RNF214: variants seen among roughly 807,000 people sequenced by gnomAD.
RNF214 encodes ring finger protein 214.
In RNF214, 25 loss-of-function variants were observed where a neutral mutation model predicts 75.9. The observed-to-expected ratio is 0.33, with a 90% CI of 0.24 to 0.46. The LOEUF is 0.46. Ranked by LOEUF, RNF214 falls within the 20% of genes least tolerant of loss-of-function variation. The pLI, the probability that RNF214 is intolerant of heterozygous loss-of-function variation, is 1.00. For missense variants in RNF214, 725 were observed against 857.5 expected (o/e 0.85, Z 1.93); for synonymous variants, 314 against 308.8 (o/e 1.02, Z -0.18).
intron 7 of RNF214, 64 bp from the exon 8 acceptor site, chr11:117,280,107 T>C: frequency 6.7e-7 from 1 of 1,487,782 alleles, no homozygotes; most frequent in Non-Finnish European, 9.3e-7. Flanking sequence ...TTGTTTTCAC[T>C]ACCTAGAGGT....
chr11:117,255,224 C>T (rs2033490186), intron 6 of RNF214, among the ~76,000 whole-genome samples: 1 of 152,154 alleles, frequency 6.6e-6, no homozygotes, highest in Non-Finnish European at 1.5e-5. Flanking sequence ...TCAATGGAAA[C>T]TTCCCTCAGT....
intron 8 of RNF214, among the ~76,000 whole-genome samples, chr11:117,280,931 A>G (rs975609632): frequency 6.7e-6 from 1 of 149,330 alleles, no homozygotes; most frequent in African/African-American, 2.5e-5. Context: ...CTCAACGGCA[A>G]TTAGCCAGCT....
intron 6 of RNF214, among the ~76,000 whole-genome samples, chr11:117,263,553 C>T (rs1461663909): frequency 6.6e-6 from 1 of 152,184 alleles, no homozygotes; most frequent in Non-Finnish European, 1.5e-5. Flanking sequence ...GGATTACAGG[C>T]GTGAGCCACC....
chr11:117,279,323 C>CT (rs34196418), intron 6 of RNF214, among the ~76,000 whole-genome samples: 1,761 of 104,342 alleles, frequency 0.017, 193 homozygotes, highest in African/African-American at 0.036. Context: ...GAGATACAAA[C>CT]TTTTTTTTTT....
rs1490482562 is a variant in RNF214 at position 117,232,692 on chromosome 11, C to G, written c.-41C>G. Reference sequence around the variant, plus strand: ...CGGCGCTCGACCCCTCCCCCCGTGGCTCGGCCGCCCCCTCCCCCCGCTCCG... The same window carrying G: ...CGGCGCTCGACCCCTCCCCCCGTGGGTCGGCCGCCCCCTCCCCCCGCTCCG... On this transcript the variant is annotated 5_prime_UTR_variant, in exon 1 of 15. Transcript: ENST00000300650. 1 of 150,758 alleles carries G rather than the reference C, an allele frequency of 6.6e-6. No homozygotes were observed. The highest frequency in any genetic ancestry group is 2.4e-5 in the African/African-American group (1 of 41,136). 9.3% of individuals were successfully genotyped at this position (150,758 alleles called of 1,614,324 possible). A position where few individuals can be genotyped will look rare whatever the true frequency, so the allele number is the denominator to read the frequency against.
At chr11:117,279,538 C>T (rs184685449) in intron 6 of RNF214, among the ~76,000 whole-genome samples, 1 of 151,922 alleles carries the variant, frequency 6.6e-6, no homozygotes, top group Non-Finnish European at 1.5e-5. Flanking sequence ...GGTTTCACCA[C>T]GCTGGCCAGA....
In RNF214 at chr11:117,239,081, C is replaced by G. The variant is rs1461927249; in HGVS notation, c.588C>G (p.Ser196=). 6.2e-7 allele frequency: 1 copy of G among 1,613,288 alleles called. No individual in the cohort carries two copies. The highest frequency in any genetic ancestry group is 1.7e-5 in the Admixed American group (1 of 59,958). Residue 196 remains serine, a synonymous_variant, in exon 3 of 15, where the codon TCC becomes TCG. Coordinates refer to ENST00000300650, the MANE Select transcript of RNF214 (RefSeq NM_207343.4). ...VDQDDDQDSS[S]LKLSQNIAVQ... is the part of the protein sequence containing the mutation. ...AGGATGATGATCAAGATAGCTCTTC[C>G]CTGAAGCTTTCTCAGAACATTGCTG...
intron 2 of RNF214, among the ~76,000 whole-genome samples, chr11:117,236,005 G>C (rs1020916933): frequency 6.6e-6 from 1 of 151,926 alleles, no homozygotes; most frequent in Non-Finnish European, 1.5e-5. Context: ...CTGTCCCCCA[G>C]ACTGGAGTGC....
In RNF214 at chr11:117,238,795, C is replaced by T; in HGVS notation, c.302C>T (p.Ser101Phe). 6.2e-7 allele frequency: 1 copy of T among 1,614,210 alleles called. No homozygotes were observed. Among genetic ancestry groups the T allele is most frequent in the Non-Finnish European group, 8.5e-7 (1 of 1,180,038 alleles). Residue 101 changes from serine to phenylalanine, a missense_variant, in exon 3 of 15, where the codon TCT becomes TTT. Physicochemically the swap from Ser to Phe is radical, Grantham distance 155 (BLOSUM62 -2). Around this residue, in one of 2 missense-constraint regions of RNF214, gnomAD observed 362 missense variants for 344.5 expected, o/e 1.05. Coordinates refer to ENST00000300650, the MANE Select transcript of RNF214 (RefSeq NM_207343.4). ...ENLIATALCLSGSGSQSDLKD... is the reference protein window; with the variant it reads ...ENLIATALCLFGSGSQSDLKD... ...TTGATAGCCACAGCCCTTTGTCTTT[C>T]TGGCAGTGGGTCTCAGTCTGATTTG...
chr11:117,262,092 A>G (rs529470), intron 6 of RNF214, among the ~76,000 whole-genome samples: 104,485 of 145,626 alleles, frequency 0.72, 38,708 homozygotes, highest in East Asian at 0.95. Context: ...TTTTTGAGAT[A>G]CGAGTCTGGC....
At chr11:117,239,698 G>A in intron 3 of RNF214, 103 bp from the exon 4 acceptor site, 2 of 706,136 alleles carry the variant, frequency 2.8e-6, no homozygotes, top group Non-Finnish European at 5.2e-6. Context: ...TAAGGGGAAA[G>A]AGTAAAAAGT....
At chr11:117,279,225 C>T (rs2034076826) in intron 6 of RNF214, among the ~76,000 whole-genome samples, 1 of 151,730 alleles carries the variant, frequency 6.6e-6, no homozygotes, top group African/African-American at 2.4e-5. Flanking sequence ...TCCTCTTGAA[C>T]GTAGAAGAAT....
intron 4 of RNF214, among the ~76,000 whole-genome samples, chr11:117,244,125 T>C (rs1444410127): frequency 6.6e-6 from 1 of 151,798 alleles, no homozygotes; most frequent in Non-Finnish European, 1.5e-5. Flanking sequence ...GGGACTACAG[T>C]GGAGTACTGG....
At chr11:117,260,674 G>A (rs1473739196) in intron 6 of RNF214, among the ~76,000 whole-genome samples, 2 of 143,480 alleles carry the variant, frequency 1.4e-5, no homozygotes, top group East Asian at 2.1e-4. Context: ...TATTTGAGAC[G>A]GAGTTTCACT....
In RNF214 at chr11:117,282,772, C is replaced by T; in HGVS notation, c.1872C>T (p.Phe624=). 6.2e-7 allele frequency: 1 copy of T among 1,614,118 alleles called. No homozygotes were observed. Among genetic ancestry groups the T allele is most frequent in the Non-Finnish European group, 8.5e-7 (1 of 1,180,004 alleles). The change falls in exon 13 of 15, where the codon TTC becomes TTT. Residue 624 remains phenylalanine, a synonymous_variant. Coordinates refer to ENST00000300650, the MANE Select transcript of RNF214 (RefSeq NM_207343.4). ...CACTTGGTCGCATCCGGGCCTTGTT[C>T]CCTGCTCCACTGGCCCAAATCAGTA... The part of the protein sequence containing the change: ...TQPLGRIRAL[F]PAPLAQISTP...
At chr11:117,279,040 T>A (rs2034073020) in intron 6 of RNF214, among the ~76,000 whole-genome samples, 1 of 152,152 alleles carries the variant, frequency 6.6e-6, no homozygotes, top group African/African-American at 2.4e-5. Context: ...GAGGCTGCAG[T>A]GAACCAAGGT....
intron 4 of RNF214, 121 bp from the exon 5 acceptor site, chr11:117,244,324 G>C: frequency 1.4e-6 from 1 of 722,662 alleles, no homozygotes; most frequent in South Asian, 1.8e-5. Flanking sequence ...ATGGCTAGTA[G>C]AGTAGCTTCA....
chr11:117,234,159 G>GTTTCTTTACTGC, intron 1 of RNF214, 108 bp from the exon 2 acceptor site: 1 of 793,910 alleles, frequency 1.3e-6, no homozygotes, highest in Non-Finnish European at 2.1e-6. Flanking sequence ...AGGTTTTTGT[G>GTTTCTTTACTGC]TTTCTTTACT....
At chr11:117,245,973 CT>C (rs199642693) in intron 5 of RNF214, among the ~76,000 whole-genome samples, 2 of 151,176 alleles carry the variant, frequency 1.3e-5, no homozygotes, top group Admixed American at 6.6e-5. Flanking sequence ...TATTATTTTA[CT>C]TTTTTTTTGA....
Sources: gnomAD v4.1 joint callset for allele counts (sites outside exome capture counted in the v4.1 genomes callset) on GRCh38, gnomAD v4.1.1 for gene constraint, gnomAD v4.1.1 regional missense constraint, MANE v1.5 for transcripts, NCBI Gene and HGNC (gene_info 2026-07-23, HGNC 2026-07-21) for gene names.